The following TMEM201 variants were observed in gnomAD, a reference collection of about 807,000 sequenced individuals.
TMEM201 encodes the protein RP13-15M17.2.
TMEM201 carries 26 observed loss-of-function variants against 63.4 expected under a neutral mutation model. That is an observed-to-expected ratio of 0.41 (90% CI 0.30 to 0.57). The LOEUF (loss-of-function observed/expected upper bound fraction) is 0.57. Among genes scored for constraint, TMEM201 ranks in the 20% least tolerant of loss-of-function variants. The pLI is 0.29. For missense variants in TMEM201, 794 were observed against 917.7 expected (o/e 0.87, Z 1.74); for synonymous variants, 417 against 421.6 (o/e 0.99, Z 0.14).
Position 9,607,587 on chromosome 1 carries a change from C to T in TMEM201, c.1191C>T (p.Phe397=). The T allele has an allele frequency of 6.4e-7, 1 of 1,551,056 alleles. No individual in the cohort carries two copies. The highest frequency in any genetic ancestry group is 8.7e-7 in the Non-Finnish European group (1 of 1,146,690). The change falls in exon 7 of 11, where the codon TTC becomes TTT. Residue 397 remains phenylalanine (F), a synonymous_variant. Transcript: ENST00000340381. This position sits in a 1 kb window ranked among gnomAD's most constrained non-coding sequence, Gnocchi z 5.4. The part of the protein sequence containing the change: ...RFFPGDSAGL[F]PTSPSLAIPH... ...TCCCAGGAGACTCTGCCGGCCTTTT[C>T]CCCACCAGCCCCAGCTTGGCCATCC...
chr1:9,600,546 C>T (rs1270157925), intron 4 of TMEM201, among the ~76,000 whole-genome samples: 1 of 152,168 alleles, frequency 6.6e-6, no homozygotes. Flanking sequence ...GGACACCCAC[C>T]CTGGATGACA....
intron 6 of TMEM201, 29 bp downstream of exon 6, chr1:9,602,301 G>A: frequency 1.2e-6 from 2 of 1,607,268 alleles, no homozygotes; most frequent in Non-Finnish European, 1.7e-6. Flanking sequence ...ACTGCGGGGG[G>A]AGGACACACG....
intron 1 of TMEM201, among the ~76,000 whole-genome samples, chr1:9,591,386 G>A (rs1444452993): frequency 6.6e-6 from 1 of 152,228 alleles, no homozygotes; most frequent in Non-Finnish European, 1.5e-5. Flanking sequence ...CAACCTCTGG[G>A]TGCTCATGGA....
intron 2 of TMEM201, among the ~76,000 whole-genome samples, chr1:9,596,555 C>T (rs1644023635): frequency 6.6e-6 from 1 of 152,162 alleles, no homozygotes; most frequent in Non-Finnish European, 1.5e-5. Flanking sequence ...GGTTTGCAGA[C>T]TGAGTTCCGA....
chr1:9,604,731 C>T lies in TMEM201; in HGVS notation c.1160+2459C>T. 1.0e-6 allele frequency: 1 copy of T among 986,020 alleles called. No homozygotes were observed. The highest frequency in any genetic ancestry group is 1.1e-4 in the East Asian group (1 of 8,822). 61.1% of individuals were successfully genotyped at this position (986,020 alleles called of 1,614,324 possible). A position where few individuals can be genotyped will look rare whatever the true frequency, so the allele number is the denominator to read the frequency against. ...TACCCCTTGCCTGGGAGCAAACCGC[C>T]AGGACGCAGCCTCCACGCCGCACCT... is the stretch of plus-strand genomic sequence containing the variant. On this transcript the variant is annotated intron_variant, in intron 6 of 10. Coordinates refer to ENST00000340381, the MANE Select transcript of TMEM201 (RefSeq NM_001130924.3). This position sits in a 1 kb window ranked among gnomAD's most constrained non-coding sequence, Gnocchi z 4.1.
At chr1:9,609,757 T>C (rs776411684) in intron 7 of TMEM201, 83 bp from the exon 8 acceptor site, 88 of 1,339,026 alleles carry the variant, frequency 6.6e-5, no homozygotes, top group Admixed American at 2.0e-4. Context: ...AAAGGCTGGA[T>C]TGGGATTTCG....
intron 1 of TMEM201, among the ~76,000 whole-genome samples, chr1:9,593,968 A>T (rs920515266): frequency 3.9e-5 from 6 of 152,254 alleles, no homozygotes; most frequent in Non-Finnish European, 7.3e-5. Flanking sequence ...AGATGCGGGC[A>T]CCGCAGCAGA....
At position 9,604,867 on chromosome 1, in the gene TMEM201, A is replaced by T. The variant is rs1415845558; in HGVS notation, c.1160+2595A>T. On this transcript the variant is annotated intron_variant, in intron 6 of 10. Coordinates refer to ENST00000340381, the MANE Select transcript of TMEM201 (RefSeq NM_001130924.3). The surrounding 1 kb of genome is among the most constrained non-coding windows in gnomAD (Gnocchi z 4.1). ...TGGATAATTGTCTAGTGACCCTCTCATCACTGTAACCATCGCGCCTGGCCT... is the reference window on the plus strand; with the variant it reads ...TGGATAATTGTCTAGTGACCCTCTCTTCACTGTAACCATCGCGCCTGGCCT... 1 of 985,922 alleles carries T rather than the reference A, an allele frequency of 1.0e-6. No homozygotes were observed. The highest frequency in any genetic ancestry group is 1.2e-6 in the Non-Finnish European group (1 of 829,978). 61.1% of individuals were successfully genotyped at this position (985,922 alleles called of 1,614,324 possible).
chr1:9,597,467 G>A (rs918673093), intron 3 of TMEM201, among the ~76,000 whole-genome samples: 11 of 152,192 alleles, frequency 7.2e-5, no homozygotes, highest in Non-Finnish European at 1.2e-4. Flanking sequence ...TGGTGGCCCC[G>A]GCAGTCTGCT....
Position 9,601,106 on chromosome 1 carries a change from A to T in TMEM201, c.608A>T (p.Asn203Ile). The T allele has an allele frequency of 6.3e-7, 1 of 1,582,382 alleles. No individual in the cohort carries two copies. The highest frequency in any genetic ancestry group is 1.1e-5 in the South Asian group (1 of 88,150). ...CCCGCCTCTCTTCCTCCTTTGCAGA[A>T]CTTCTCCTCCGCCGTGAAGTCCCCG... ...RREADQTHAQ[N>I]FSSAVKSPVQ... Residue 203 changes from asparagine (N) to isoleucine (I), a missense_variant and splice_region_variant, in exon 5 of 11, where the codon AAC becomes ATC. Asn to Ile is a moderately radical substitution (Grantham distance 149, BLOSUM62 -3). Coordinates refer to ENST00000340381, the MANE Select transcript of TMEM201 (RefSeq NM_001130924.3).
rs1205663862 is a variant in TMEM201 at position 9,603,340 on chromosome 1, A to G, written c.1160+1068A>G. 6 of 985,382 alleles carry G rather than the reference A, an allele frequency of 6.1e-6. No individual in the cohort carries two copies. In the South Asian group the frequency reaches 2.3e-4, roughly 39 times the overall value. The allele number at this position is 985,382 out of a possible 1,614,324, so 61.0% of individuals were successfully genotyped here. On this transcript the variant is annotated intron_variant, in intron 6 of 10. Transcript: ENST00000340381. The surrounding 1 kb of genome is among the most constrained non-coding windows in gnomAD (Gnocchi z 4.5). ...CCAGCTCAGTGGGTGTGGGGATCAC[A>G]TGAGGTGGCTCATGAGGACACACTC...
intron 6 of TMEM201, chr1:9,602,731 T>C: frequency 2.0e-6 from 2 of 1,024,956 alleles, no homozygotes; most frequent in Non-Finnish European, 2.3e-6. Flanking sequence ...GGCTACAGGC[T>C]GGGCCCCTGG....
intron 10 of TMEM201, 57 bp from the exon 11 acceptor site, chr1:9,612,929 G>A (rs1411119835): frequency 6.8e-7 from 1 of 1,475,430 alleles, no homozygotes; most frequent in East Asian, 2.5e-5. Flanking sequence ...GGGCTGCTCA[G>A]CTGCACAGCG....
rs1483413689 is a variant in TMEM201, at chr1:9,608,646, T to C, written c.1393+857T>C. Among the ~76,000 whole-genome samples, 1 of 152,210 alleles carries C rather than the reference T, an allele frequency of 6.6e-6. No homozygotes were observed. Among genetic ancestry groups the C allele is most frequent in the African/African-American group, 2.4e-5 (1 of 41,454 alleles). ...GGGCCTGAGCACTCCGAGTAAACTC[T>C]GTGCGCACTGACCAAGGTGGCAGAG... is the stretch of plus-strand genomic sequence containing the variant. On this transcript the variant is annotated intron_variant, in intron 7 of 10. Transcript: ENST00000340381. This position sits in a 1 kb window ranked among gnomAD's most constrained non-coding sequence, Gnocchi z 4.3.
At position 9,596,844 on chromosome 1, in the gene TMEM201, A is replaced by G. The variant is rs200790756; in HGVS notation, c.235-15A>G. ...GGAGGGCCTGCCTGCCTCGAGTCCC[A>G]CCTCTCTCCCGCAGAACGGCGACTA... On this transcript the variant is annotated splice_polypyrimidine_tract_variant and intron_variant, in intron 2 of 10. Coordinates refer to ENST00000340381, the MANE Select transcript of TMEM201 (RefSeq NM_001130924.3). 7.8e-5 allele frequency: 123 copies of G among 1,569,442 alleles called. No homozygotes were observed. The African/African-American group carries it at 1.4e-3, about 18-fold the overall frequency.
chr1:9,591,160 CT>C (rs1342567800), intron 1 of TMEM201, among the ~76,000 whole-genome samples: 3 of 152,252 alleles, frequency 2.0e-5, no homozygotes, highest in African/African-American at 4.8e-5. Flanking sequence ...ATGGAGTCCT[CT>C]CGCTTCCATG....
Position 9,597,132 on chromosome 1 carries a change from G to T in TMEM201, c.429+79G>T. On this transcript the variant is annotated intron_variant, in intron 3 of 10. Transcript: ENST00000340381. Reference sequence around the variant, plus strand: ...GCAGCCGGGGGACAGGCACGTGCAGGGTGCTGACTCTGGTCCTCTGGCCCC... The same window carrying T: ...GCAGCCGGGGGACAGGCACGTGCAGTGTGCTGACTCTGGTCCTCTGGCCCC... 3 of 1,481,562 alleles carry T rather than the reference G, an allele frequency of 2.0e-6. 1 individual carries two copies. Among genetic ancestry groups the T allele is most frequent in the South Asian group, 2.6e-5 (2 of 76,258 alleles). The allele number at this position is 1,481,562 out of a possible 1,614,324, so 91.8% of individuals were successfully genotyped here.
rs61783004 is a variant in TMEM201, at chr1:9,610,446, G to T, written c.1466-60G>T. Reference sequence around the variant, plus strand: ...AGAATGCCCCCAGAAATGAAATAGCGCATTGTAGCGTTGCAGTGACAGGAG... The same window carrying T: ...AGAATGCCCCCAGAAATGAAATAGCTCATTGTAGCGTTGCAGTGACAGGAG... On this transcript the variant is annotated intron_variant, in intron 8 of 10. Coordinates refer to ENST00000340381, the MANE Select transcript of TMEM201 (RefSeq NM_001130924.3). The surrounding 1 kb of genome is among the most constrained non-coding windows in gnomAD (Gnocchi z 4.9). The T allele has an allele frequency of 2.9e-6, 4 of 1,399,948 alleles. No homozygotes were observed. In the East Asian group the frequency reaches 7.6e-5, roughly 26 times the overall value. The allele number at this position is 1,399,948 out of a possible 1,614,324, so 86.7% of individuals were successfully genotyped here.
rs1644158227 is a variant in TMEM201, at chr1:9,602,247, G to A, written c.1135G>A (p.Gly379Ser). ...TAAVATRKAT[G>S]PRRFRPRRFF... Reference sequence around the variant, plus strand: ...GGCTGTGGCCACAAGGAAGGCAACGGGCCCACGGAGGTTCCGGCCCCGAAG... The same window carrying A: ...GGCTGTGGCCACAAGGAAGGCAACGAGCCCACGGAGGTTCCGGCCCCGAAG... The change falls in exon 6 of 11, where the codon GGC (glycine) becomes AGC (serine). Residue 379 changes from glycine (G) to serine (S), a missense_variant. Gly to Ser is a moderately conservative substitution (Grantham distance 56). Coordinates refer to ENST00000340381, the MANE Select transcript of TMEM201 (RefSeq NM_001130924.3). The A allele has an allele frequency of 4.3e-6, 7 of 1,611,914 alleles. No individual in the cohort carries two copies. The highest frequency in any genetic ancestry group is 5.9e-6 in the Non-Finnish European group (7 of 1,179,908).
Sources: allele counts gnomAD v4.1 joint callset (sites outside exome capture counted in the v4.1 genomes callset), GRCh38; gene constraint gnomAD v4.1.1; non-coding constraint Gnocchi (gnomAD v3.1); transcripts MANE v1.5; gene names NCBI Gene and HGNC (gene_info 2026-07-23, HGNC 2026-07-21).